The following FBN1 variants were observed in gnomAD, a reference collection of about 807,000 sequenced individuals.
The protein encoded by FBN1 is fibrillin-1.
FBN1 carries 29 observed loss-of-function variants against 365.1 expected under a neutral mutation model. The observed-to-expected ratio is 0.08, with a 90% CI of 0.06 to 0.11. The LOEUF is 0.11. Among genes scored for constraint, FBN1 ranks in the 10% least tolerant of loss-of-function variants. FBN1 has a pLI of 1.00. For synonymous variants in FBN1, 1,210 were observed against 1,270.5 expected (o/e 0.95, Z 1.01); for missense variants, 2,476 against 3,703.2 (o/e 0.67, Z 8.60).
chr15:48,412,854 C>G, intron 64 of FBN1, 111 bp from the exon 65 acceptor site: 1 of 1,278,630 alleles, frequency 7.8e-7, no homozygotes, highest in Non-Finnish European at 1.1e-6. Flanking sequence ...ACAGCCCTTG[C>G]TTGTCCACTG....
chr15:48,465,560 C>G lies in FBN1; in HGVS notation c.4942+8G>C. 6.2e-7 allele frequency: 1 copy of G among 1,613,890 alleles called. No individual in the cohort carries two copies. Among genetic ancestry groups the G allele is most frequent in the Non-Finnish European group, 8.5e-7 (1 of 1,179,920 alleles). ...GCAAGACCTTATCATCCTACCAGGACCATTTACCATCACACACTCGTGTAT... is the reference window on the plus strand; with the variant it reads ...GCAAGACCTTATCATCCTACCAGGAGCATTTACCATCACACACTCGTGTAT... On this transcript the variant is annotated splice_region_variant and intron_variant, in intron 40 of 65. Transcript: ENST00000316623.
chr15:48,607,704 A>G (rs2044625347), intron 4 of FBN1, among the ~76,000 whole-genome samples: 1 of 152,170 alleles, frequency 6.6e-6, no homozygotes, highest in Non-Finnish European at 1.5e-5. Context: ...TAAATGACCC[A>G]GTCTACAGTA....
chr15:48,419,349 C>T (rs1486413810), intron 63 of FBN1, among the ~76,000 whole-genome samples: 2 of 152,118 alleles, frequency 1.3e-5, no homozygotes, highest in Non-Finnish European at 2.9e-5. Flanking sequence ...ACAGGAGCGA[C>T]ATACCTTTCC....
intron 6 of FBN1, among the ~76,000 whole-genome samples, chr15:48,542,493 G>A (rs906931472): frequency 8.5e-5 from 13 of 152,102 alleles, no homozygotes; most frequent in Admixed American, 2.6e-4. Flanking sequence ...AACTTTCTGA[G>A]GAAGGAGTTC....
chr15:48,424,174 G>C (rs1035776354), intron 60 of FBN1, among the ~76,000 whole-genome samples: 1 of 152,190 alleles, frequency 6.6e-6, no homozygotes, highest in Non-Finnish European at 1.5e-5. Context: ...ACAAAGCTAT[G>C]AGCGACTTCA....
At chr15:48,503,688 A>G (rs2043682506) in intron 17 of FBN1, 99 bp downstream of exon 17, 1 of 1,531,898 alleles carries the variant, frequency 6.5e-7, no homozygotes, top group Admixed American at 1.7e-5. Context: ...GCGTACCTGG[A>G]GAGCAAAATG....
intron 9 of FBN1, among the ~76,000 whole-genome samples, chr15:48,522,059 A>C (rs1199569041): frequency 1.3e-5 from 2 of 152,224 alleles, no homozygotes. Flanking sequence ...AGGATGGTGA[A>C]CCCTATTGTG....
At chr15:48,424,754 G>A (rs2042965896) in intron 60 of FBN1, among the ~76,000 whole-genome samples, 1 of 152,176 alleles carries the variant, frequency 6.6e-6, no homozygotes, top group Non-Finnish European at 1.5e-5. Context: ...TATTGTGGAG[G>A]AAGATGTTTA....
chr15:48,598,200 A>G (rs1265767884), intron 5 of FBN1, among the ~76,000 whole-genome samples: 1 of 151,994 alleles, frequency 6.6e-6, no homozygotes, highest in Non-Finnish European at 1.5e-5. Context: ...TTGGGTTCCA[A>G]CCCCAACTCT....
At chr15:48,493,659 A>G (rs1696307059) in intron 23 of FBN1, among the ~76,000 whole-genome samples, 1 of 152,220 alleles carries the variant, frequency 6.6e-6, no homozygotes, top group African/African-American at 2.4e-5. Flanking sequence ...TTCATCCCAC[A>G]TATGGGACTA....
rs1240945005 is a variant in FBN1, at chr15:48,579,350, C to CA, written c.538+16932dup. On this transcript the variant is annotated intron_variant, in intron 6 of 65. Transcript: ENST00000316623. ...GAACAATTCTATCTATGAAGCAAAA[C>CA]AGTTATATAATTCCTGTTTGGCCTA... Among the ~76,000 whole-genome samples the CA allele has an allele frequency of 7.2e-5, 11 of 152,276 alleles. 1 individual carries two copies. The East Asian group carries it at 2.1e-3, about 29-fold the overall frequency.
intron 46 of FBN1, among the ~76,000 whole-genome samples, chr15:48,447,242 G>A (rs1414632593): frequency 6.6e-6 from 1 of 152,068 alleles, no homozygotes; most frequent in African/African-American, 2.4e-5. Context: ...TTACCAAAAA[G>A]CAGTGACTCA....
At chr15:48,449,115 A>G (rs910922275) in intron 45 of FBN1, among the ~76,000 whole-genome samples, 1 of 152,220 alleles carries the variant, frequency 6.6e-6, no homozygotes, top group African/African-American at 2.4e-5. Context: ...AGGGTAAGTA[A>G]TCAAAAAATA....
intron 49 of FBN1, 119 bp from the exon 50 acceptor site, chr15:48,441,965 G>T: frequency 9.2e-7 from 1 of 1,084,164 alleles, no homozygotes; most frequent in Non-Finnish European, 1.4e-6. Context: ...CAATAATAAA[G>T]GTATTTTTCT....
intron 4 of FBN1, among the ~76,000 whole-genome samples, chr15:48,600,458 C>T (rs2044553719): frequency 6.6e-6 from 1 of 152,202 alleles, no homozygotes; most frequent in African/African-American, 2.4e-5. Flanking sequence ...AATCCCAACA[C>T]TTTGGGAGGC....
chr15:48,437,542 C>CAGG, intron 51 of FBN1, 155 bp from the exon 52 acceptor site: 1 of 826,202 alleles, frequency 1.2e-6, no homozygotes, highest in South Asian at 1.5e-5. Flanking sequence ...TTTAACGAGA[C>CAGG]TCCCTAAGAT....
chr15:48,547,946 A>G (rs1462530149), intron 6 of FBN1, among the ~76,000 whole-genome samples: 1 of 152,218 alleles, frequency 6.6e-6, no homozygotes, highest in Non-Finnish European at 1.5e-5. Flanking sequence ...AGCATTACTC[A>G]GAACACGTGA....
At chr15:48,417,349 C>T (rs1393987393) in intron 63 of FBN1, among the ~76,000 whole-genome samples, 3 of 151,494 alleles carry the variant, frequency 2.0e-5, no homozygotes, top group Non-Finnish European at 4.4e-5. Context: ...GCCTGCCTGC[C>T]TGCCTTCCCT....
chr15:48,485,285 C>T, intron 30 of FBN1, 89 bp downstream of exon 30: 1 of 1,572,844 alleles, frequency 6.4e-7, no homozygotes, highest in East Asian at 2.2e-5. Flanking sequence ...GGTTTGGACT[C>T]AAGCCTGCTT....
Sources: allele counts gnomAD v4.1 joint callset (sites outside exome capture counted in the v4.1 genomes callset), GRCh38; gene constraint gnomAD v4.1.1; transcripts MANE v1.5; gene names NCBI Gene and HGNC (gene_info 2026-07-23, HGNC 2026-07-21).